LRP1B: variants seen among roughly 807,000 people sequenced by gnomAD.
The protein encoded by LRP1B is low-density lipoprotein receptor-related protein 1B.
Under a neutral mutation model 556.6 loss-of-function variants are expected in LRP1B, and 217 were observed. The observed-to-expected ratio is 0.39, with a 90% CI of 0.35 to 0.44. The LOEUF (loss-of-function observed/expected upper bound fraction) is 0.44. LRP1B is among the 20% of genes least tolerant of loss of function. LRP1B has a pLI of 1.00. For missense variants in LRP1B, 5,053 were observed against 5,620.8 expected (o/e 0.90, Z 3.23); for synonymous variants, 2,047 against 1,865.8 (o/e 1.10, Z -2.50).
chr2:141,134,381 C>T (rs188135805), intron 7 of LRP1B, among the ~76,000 whole-genome samples: 15 of 151,988 alleles, frequency 9.9e-5, no homozygotes, highest in African/African-American at 3.1e-4. Flanking sequence ...AAAACCCAAT[C>T]TCCTACTTGG....
intron 7 of LRP1B, among the ~76,000 whole-genome samples, chr2:141,187,405 A>G (rs897138571): frequency 1.7e-4 from 26 of 152,188 alleles, no homozygotes; most frequent in Admixed American, 1.5e-3. Flanking sequence ...CCATTTATTG[A>G]ATGGAGGCTT....
At chr2:140,321,893 C>G in intron 82 of LRP1B, 70 bp downstream of exon 82, 1 of 1,443,306 alleles carries the variant, frequency 6.9e-7, no homozygotes, top group Non-Finnish European at 9.5e-7. Flanking sequence ...AATTTCACTC[C>G]ATTTCACGAG....
intron 1 of LRP1B, among the ~76,000 whole-genome samples, chr2:142,031,330 A>ATCTTTTTTTT (rs1553506158): frequency 2.6e-5 from 3 of 117,048 alleles, no homozygotes; most frequent in African/African-American, 8.8e-5. Context: ...GATTATACTT[A>ATCTTTTTTTT]TTTTTTTTTT....
In LRP1B at chr2:141,805,867, G is replaced by A. The variant is rs570666211; in HGVS notation, c.205+4412C>T. 21 of 152,198 alleles carry A rather than the reference G, an allele frequency of 1.4e-4. No individual in the cohort carries two copies. The East Asian group carries it at 3.7e-3, about 27-fold the overall frequency. The allele number at this position is 152,198 out of a possible 1,614,324, so 9.4% of individuals were successfully genotyped here. ...AAAGCATGCTGACCCTTGTAGGACA[G>A]GACAGAGAAGAGTCCAGCTTGCAAA... On this transcript the variant is annotated intron_variant, in intron 2 of 90. Transcript: ENST00000389484.
At chr2:141,017,590 AAAC>A (rs1697941765) in intron 12 of LRP1B, among the ~76,000 whole-genome samples, 1 of 151,926 alleles carries the variant, frequency 6.6e-6, no homozygotes, top group South Asian at 2.1e-4. Flanking sequence ...ATTTTTATTT[AAAC>A]AAAATATAAG....
chr2:140,270,811 C>T (rs879828963), intron 85 of LRP1B, among the ~76,000 whole-genome samples: 5 of 151,724 alleles, frequency 3.3e-5, no homozygotes, highest in Non-Finnish European at 7.4e-5. Flanking sequence ...ACTTTTAGAC[C>T]CCACATTTCA....
At chr2:142,115,630 T>TA in intron 1 of LRP1B, among the ~76,000 whole-genome samples, 2 of 36,166 alleles carry the variant, frequency 5.5e-5, no homozygotes, top group African/African-American at 1.8e-4. Context: ...GTAATATATA[T>TA]ATTATATATG....
intron 1 of LRP1B, among the ~76,000 whole-genome samples, chr2:142,047,567 A>G (rs916982133): frequency 3.3e-5 from 5 of 152,034 alleles, no homozygotes; most frequent in Admixed American, 2.6e-4. Flanking sequence ...ACTCTAAAAT[A>G]TAAAGAAATG....
intron 1 of LRP1B, among the ~76,000 whole-genome samples, chr2:142,000,708 C>T (rs910985660): frequency 3.3e-5 from 5 of 152,162 alleles, no homozygotes; most frequent in South Asian, 2.1e-4. Context: ...TTAATCTCTA[C>T]ACTCTATATG....
At chr2:140,461,954 C>T (rs1378019656) in intron 60 of LRP1B, among the ~76,000 whole-genome samples, 1 of 152,114 alleles carries the variant, frequency 6.6e-6, no homozygotes, top group Non-Finnish European at 1.5e-5. Context: ...ATCAAGTTTA[C>T]AGAGTAACAT....
intron 20 of LRP1B, 70 bp from the exon 21 acceptor site, chr2:140,923,217 T>C (rs2105259285): frequency 8.1e-7 from 1 of 1,234,478 alleles, no homozygotes; most frequent in South Asian, 1.5e-5. Context: ...TTTTACTTGT[T>C]GGTAGTTTTT....
intron 77 of LRP1B, among the ~76,000 whole-genome samples, chr2:140,341,800 G>A (rs576618585): frequency 6.6e-6 from 1 of 151,408 alleles, no homozygotes; most frequent in Non-Finnish European, 1.5e-5. Context: ...GTTTTTTAAA[G>A]GATATCCAGC....
chr2:140,278,444 T>C (rs1682778031), intron 84 of LRP1B, among the ~76,000 whole-genome samples: 1 of 152,026 alleles, frequency 6.6e-6, no homozygotes, highest in South Asian at 2.1e-4. Flanking sequence ...TTTATTTCGC[T>C]AACTAGGCTA....
chr2:140,707,825 G>T (rs571007757), intron 37 of LRP1B, among the ~76,000 whole-genome samples: 1 of 152,112 alleles, frequency 6.6e-6, no homozygotes, highest in South Asian at 2.1e-4. Flanking sequence ...ATTGATTAAA[G>T]AATTCTGTAA....
At chr2:141,467,192 C>T (rs116052088) in intron 3 of LRP1B, among the ~76,000 whole-genome samples, 3,341 of 149,014 alleles carry the variant, frequency 0.022, 65 homozygotes, top group Middle Eastern at 0.058. Flanking sequence ...AGAGAGAGCG[C>T]GGGGGGAATT....
intron 2 of LRP1B, among the ~76,000 whole-genome samples, chr2:141,733,788 T>C (rs552987607): frequency 6.6e-6 from 1 of 152,178 alleles, no homozygotes; most frequent in African/African-American, 2.4e-5. Flanking sequence ...CTGCCTAAAA[T>C]CAAATCAGTG....
intron 2 of LRP1B, among the ~76,000 whole-genome samples, chr2:141,563,767 C>T (rs1395552184): frequency 6.6e-6 from 1 of 152,030 alleles, no homozygotes; most frequent in Non-Finnish European, 1.5e-5. Flanking sequence ...GAGAATTACA[C>T]AGGAACAGAA....
rs2105130491 is a variant in LRP1B at position 140,356,460 on chromosome 2, G to C, written c.11412C>G (p.Thr3804=). The change falls in exon 75 of 91, where the codon ACC becomes ACG. Residue 3804 remains threonine, a synonymous_variant. Transcript: ENST00000389484. The stretch of plus-strand genomic sequence containing the variant: ...CACATGGATTCACATTATCTTCACA[G>C]GTATATTCAGTAGGAGCTGGGATTT... ...QGCRIAPTEY[T]CEDNVNPCGD... 1 of 1,603,684 alleles carries C rather than the reference G, an allele frequency of 6.2e-7. No individual in the cohort carries two copies. Among genetic ancestry groups the C allele is most frequent in the Non-Finnish European group, 8.5e-7 (1 of 1,172,504 alleles).
chr2:141,580,812 A>C (rs2105279060), intron 2 of LRP1B, among the ~76,000 whole-genome samples: 1 of 152,330 alleles, frequency 6.6e-6, no homozygotes, highest in East Asian at 1.9e-4. Context: ...CTGAAGTTTC[A>C]CAGATAAAGA....
Sources: gnomAD v4.1 joint callset for allele counts (sites outside exome capture counted in the v4.1 genomes callset) on GRCh38, gnomAD v4.1.1 for gene constraint, MANE v1.5 for transcripts, NCBI Gene and HGNC (gene_info 2026-07-23, HGNC 2026-07-21) for gene names.